Variants in CUZD1 observed in about 807,000 individuals in gnomAD.
CUZD1 encodes CUB and zona pellucida-like domain-containing protein 1.
CUZD1 carries 42 observed loss-of-function variants against 53.1 expected under a neutral mutation model. The observed-to-expected ratio is 0.79, with a 90% CI of 0.62 to 1.02. CUZD1 has a LOEUF of 1.02. Ranked by LOEUF, CUZD1 falls within the 50% of genes least tolerant of loss-of-function variation. CUZD1 has a pLI of 0.00. For missense variants in CUZD1, 670 were observed against 715.7 expected (o/e 0.94, Z 0.73); for synonymous variants, 238 against 257.2 (o/e 0.93, Z 0.71).
At chr10:122,844,006 G>A (rs1230759626) in intron 1 of CUZD1, among the ~76,000 whole-genome samples, 1 of 147,922 alleles carries the variant, frequency 6.8e-6, no homozygotes, top group East Asian at 2.0e-4. Flanking sequence ...TATATATATA[G>A]AGAGACTATA....
rs1340027547 is a variant in CUZD1, at chr10:122,839,153, C to T, written c.312G>A (p.Gly104=). 1 of 1,614,150 alleles carries T rather than the reference C, an allele frequency of 6.2e-7. No individual in the cohort carries two copies. The highest frequency in any genetic ancestry group is 8.5e-7 in the Non-Finnish European group (1 of 1,179,992). Residue 104 remains glycine, a synonymous_variant, in exon 3 of 9, where the codon GGG becomes GGA. Coordinates refer to ENST00000392790, the MANE Select transcript of CUZD1 (RefSeq NM_022034.6). ...CATAGTCGTTTTTACTGCAGACTTG[C>T]CCTAGCAGAGGCCCATTGCTGGAGG... is the stretch of plus-strand genomic sequence containing the variant. ...DGTSSNGPLL[G]QVCSKNDYVP... is the part of the protein sequence containing the mutation.
At chr10:122,841,998 T>C (rs2950366) in intron 1 of CUZD1, among the ~76,000 whole-genome samples, 67,142 of 151,678 alleles carry the variant, frequency 0.44, 14,997 homozygotes, top group South Asian at 0.53. Context: ...TTTGAGAGTT[T>C]TTTATATATG....
chr10:122,837,664 C>CT (rs1847275200), intron 3 of CUZD1, 110 bp from the exon 4 acceptor site: 5 of 1,070,474 alleles, frequency 4.7e-6, no homozygotes, highest in Non-Finnish European at 6.6e-6. Flanking sequence ...GATTCCATCT[C>CT]TATCTTTCCC....
At chr10:122,844,367 G>A (rs1847399746) in intron 1 of CUZD1, among the ~76,000 whole-genome samples, 1 of 151,970 alleles carries the variant, frequency 6.6e-6, no homozygotes, top group Admixed American at 6.6e-5. Context: ...TGAAGAATAT[G>A]TTCTGGAATT....
At chr10:122,839,537 A>G (rs1000391048) in intron 2 of CUZD1, among the ~76,000 whole-genome samples, 1 of 152,148 alleles carries the variant, frequency 6.6e-6, no homozygotes, top group Admixed American at 6.5e-5. Context: ...CCCCATGTCC[A>G]TGTAACTCTT....
chr10:122,844,200 A>AC (rs1847396525), intron 1 of CUZD1, among the ~76,000 whole-genome samples: 1 of 149,486 alleles, frequency 6.7e-6, no homozygotes, highest in Non-Finnish European at 1.5e-5. Flanking sequence ...GGCTAAAAAA[A>AC]TTTTTTTTTT....
At chr10:122,839,254 G>A in intron 2 of CUZD1, 23 bp from the exon 3 acceptor site, 1 of 1,606,924 alleles carries the variant, frequency 6.2e-7, no homozygotes, top group Non-Finnish European at 8.5e-7. Flanking sequence ...CACAACTGTG[G>A]CTGAAGAAGT....
Position 122,832,254 on chromosome 10 carries a change from C to T in CUZD1, c.*24G>A. 1 of 1,607,898 alleles carries T rather than the reference C, an allele frequency of 6.2e-7. No individual in the cohort carries two copies. Among genetic ancestry groups the T allele is most frequent in the African/African-American group, 1.3e-5 (1 of 74,860 alleles). On this transcript the variant is annotated 3_prime_UTR_variant, in exon 9 of 9. Transcript: ENST00000392790. Reference sequence around the variant, plus strand: ...CCTTTGGCATCCTGGAGAAACATGTCTCACTTAGGGTTGGACCTGTTAGTT... The same window carrying T: ...CCTTTGGCATCCTGGAGAAACATGTTTCACTTAGGGTTGGACCTGTTAGTT...
At chr10:122,832,666 G>A (rs1847178291) in intron 8 of CUZD1, among the ~76,000 whole-genome samples, 1 of 151,750 alleles carries the variant, frequency 6.6e-6, no homozygotes, top group Non-Finnish European at 1.5e-5. Context: ...TGTTGACTTG[G>A]TTTGATTTCT....
rs779742489 is a variant in CUZD1, at chr10:122,841,173, C to G, written c.233+5G>C. The stretch of plus-strand genomic sequence containing the variant: ...CCTTATTAGGAAACTAAAGCTTCTA[C>G]TTACTGGACATAGGAAAAGATAATT... On this transcript the variant is annotated splice_donor_5th_base_variant and intron_variant, in intron 2 of 8. Coordinates refer to ENST00000392790, the MANE Select transcript of CUZD1 (RefSeq NM_022034.6). 2 of 1,610,518 alleles carry G rather than the reference C, an allele frequency of 1.2e-6. No homozygotes were observed. Among genetic ancestry groups the G allele is most frequent in the South Asian group, 2.2e-5 (2 of 90,336 alleles).
chr10:122,843,810 C>CATACAT (rs1555071716), intron 1 of CUZD1, among the ~76,000 whole-genome samples: 2 of 137,366 alleles, frequency 1.5e-5, no homozygotes, highest in African/African-American at 5.5e-5. Flanking sequence ...TATATACATA[C>CATACAT]ATATATATAT....
Position 122,843,913 on chromosome 10 carries a change from TTA to T in CUZD1, c.82+1847_82+1848del, listed in dbSNP as rs200437449. On this transcript the variant is annotated intron_variant, in intron 1 of 8. Transcript: ENST00000392790. ...CAGTTATATATATTGTTAGATATAT[TTA>T]TATATATATAAAACATTGGTCTATA... Among the ~76,000 whole-genome samples the T allele has an allele frequency of 4.5e-3, 665 of 146,988 alleles. 7 individuals are homozygous for T. The highest frequency in any genetic ancestry group is 0.016 in the African/African-American group (649 of 40,326).
rs188443962 is a variant in CUZD1, at chr10:122,837,572, G to A, written c.449-18C>T. On this transcript the variant is annotated intron_variant, in intron 3 of 8. Transcript: ENST00000392790. ...TGGAATAGCTGAAATGGATGTGAAG[G>A]TGGTCAAGAATGAACATCAAAATAG... 3 of 1,541,830 alleles carry A rather than the reference G, an allele frequency of 1.9e-6. No individual in the cohort carries two copies. The highest frequency in any genetic ancestry group is 2.3e-5 in the East Asian group (1 of 43,880).
intron 2 of CUZD1, among the ~76,000 whole-genome samples, chr10:122,840,064 C>T (rs1269112881): frequency 6.6e-6 from 1 of 152,178 alleles, no homozygotes; most frequent in Admixed American, 6.5e-5. Context: ...TAATTTCTCG[C>T]CTCCCTTGCT....
At chr10:122,842,514 T>C (rs1847361762) in intron 1 of CUZD1, among the ~76,000 whole-genome samples, 1 of 152,222 alleles carries the variant, frequency 6.6e-6, no homozygotes, top group Non-Finnish European at 1.5e-5. Flanking sequence ...TTGATTACTG[T>C]AGTTTATGTT....
At position 122,841,191 on chromosome 10, in the gene CUZD1, A is replaced by C; in HGVS notation, c.220T>G (p.Phe74Val). 6.2e-7 allele frequency: 1 copy of C among 1,613,254 alleles called. No individual in the cohort carries two copies. The highest frequency in any genetic ancestry group is 8.5e-7 in the Non-Finnish European group (1 of 1,179,594). ...GCTTCTACTTACTGGACATAGGAAA[A>C]GATAATTCTGATGCTTTTGTTTTCT... ...RPENKSIRII[F>V]SYVQLDPDGS... is the part of the protein sequence containing the mutation. The change falls in exon 2 of 9, where the codon TTT (phenylalanine) becomes GTT (valine). Residue 74 changes from phenylalanine (F) to valine (V), a missense_variant. By Grantham distance (50) the Phe-to-Val change is conservative. Coordinates refer to ENST00000392790, the MANE Select transcript of CUZD1 (RefSeq NM_022034.6).
Position 122,836,234 on chromosome 10 carries a change from A to G in CUZD1, c.934T>C (p.Leu312=). ...QLKDPTCRPK[L]SNVVEFSVPL... is the part of the protein sequence containing the mutation. ...ACAGAAAATTCCACAACATTTGATAATTTTGGTCTGCAAGTTGGGTCTTTT... is the reference window on the plus strand; with the variant it reads ...ACAGAAAATTCCACAACATTTGATAGTTTTGGTCTGCAAGTTGGGTCTTTT... Residue 312 remains leucine, a synonymous_variant, in exon 6 of 9, where the codon TTA becomes CTA. Coordinates refer to ENST00000392790, the MANE Select transcript of CUZD1 (RefSeq NM_022034.6). The G allele has an allele frequency of 1.2e-6, 2 of 1,612,846 alleles. No homozygotes were observed. Among genetic ancestry groups the G allele is most frequent in the Non-Finnish European group, 1.7e-6 (2 of 1,179,646 alleles).
At chr10:122,839,886 C>A (rs1213828709) in intron 2 of CUZD1, among the ~76,000 whole-genome samples, 1 of 152,152 alleles carries the variant, frequency 6.6e-6, no homozygotes, top group Non-Finnish European at 1.5e-5. Context: ...CACTTACCTG[C>A]TGTATAACTT....
chr10:122,842,294 T>C (rs1166789234), intron 1 of CUZD1, among the ~76,000 whole-genome samples: 1 of 152,352 alleles, frequency 6.6e-6, no homozygotes, highest in African/African-American at 2.4e-5. Flanking sequence ...AACTAATTTA[T>C]GTGTAAGAAA....
Sources: allele counts gnomAD v4.1 joint callset (sites outside exome capture counted in the v4.1 genomes callset), GRCh38; gene constraint gnomAD v4.1.1; transcripts MANE v1.5; gene names NCBI Gene and HGNC (gene_info 2026-07-23, HGNC 2026-07-21).